SORBS2: variants seen among roughly 807,000 people sequenced by gnomAD.
SORBS2 encodes sorbin and SH3 domain-containing protein 2.
A neutral mutation model predicts 97.7 loss-of-function variants in SORBS2; 46 were observed. The ratio of observed to expected loss-of-function variants is 0.47; its 90% CI spans 0.37 to 0.60. SORBS2 has a LOEUF of 0.60. Ranked by LOEUF, SORBS2 falls within the 20% of genes least tolerant of loss-of-function variation. SORBS2 has a pLI of 0.00. For missense variants in SORBS2, 1,316 were observed against 1,282.3 expected, an observed-to-expected ratio of 1.03 and a Z score of -0.40; for synonymous variants, 476 against 473.4, an observed-to-expected ratio of 1.01 and a Z score of -0.07.
intron 1 of SORBS2, among the ~76,000 whole-genome samples, chr4:185,777,991 T>C (rs1185899876): frequency 6.6e-6 from 1 of 152,238 alleles, no homozygotes; most frequent in East Asian, 1.9e-4. Flanking sequence ...ATATCATTTT[T>C]ATATTGACCA....
intron 1 of SORBS2, among the ~76,000 whole-genome samples, chr4:185,875,881 C>T (rs1436386272): frequency 2.6e-5 from 4 of 152,124 alleles, no homozygotes; most frequent in Non-Finnish European, 4.4e-5. Context: ...AGACTTTTTC[C>T]CCCTCATTAC....
At chr4:185,598,021 A>G (rs1335990648) in intron 12 of SORBS2, among the ~76,000 whole-genome samples, 4 of 152,096 alleles carry the variant, frequency 2.6e-5, no homozygotes, top group African/African-American at 9.7e-5. Context: ...TTCTATTTTG[A>G]CTATCTGTGC....
At chr4:185,938,393 C>CACAT (rs1561319511) in intron 1 of SORBS2, among the ~76,000 whole-genome samples, 1 of 76,126 alleles carries the variant, frequency 1.3e-5, no homozygotes, top group Non-Finnish European at 3.1e-5. Context: ...GACACATACA[C>CACAT]ACACACACAC....
chr4:185,886,130 A>C (rs189492133), intron 1 of SORBS2, among the ~76,000 whole-genome samples: 1 of 152,360 alleles, frequency 6.6e-6, no homozygotes, highest in Non-Finnish European at 1.5e-5. Context: ...GGACTGACTG[A>C]GAAAGCATTT....
intron 1 of SORBS2, among the ~76,000 whole-genome samples, chr4:185,929,054 T>G (rs2099265159): frequency 6.6e-6 from 1 of 152,218 alleles, no homozygotes; most frequent in African/African-American, 2.4e-5. Context: ...TTATCACAAT[T>G]ATAGTGATAT....
intron 5 of SORBS2, among the ~76,000 whole-genome samples, chr4:185,629,560 A>ATT (rs201590422): frequency 0.079 from 10,556 of 133,946 alleles, 653 homozygotes; most frequent in Non-Finnish European, 0.12. Flanking sequence ...GAATTTTGTG[A>ATT]TTTGTTTTTT....
At chr4:185,699,555 G>C (rs1325061869) in intron 2 of SORBS2, among the ~76,000 whole-genome samples, 1 of 152,108 alleles carries the variant, frequency 6.6e-6, no homozygotes, top group Non-Finnish European at 1.5e-5. Flanking sequence ...CCAAAGTGCT[G>C]GGATTATGGG....
intron 2 of SORBS2, among the ~76,000 whole-genome samples, chr4:185,756,661 T>C (rs1351476834): frequency 6.6e-6 from 1 of 152,122 alleles, no homozygotes; most frequent in Non-Finnish European, 1.5e-5. Flanking sequence ...CCATTTTTTT[T>C]TGGCATTTGT....
intron 1 of SORBS2, among the ~76,000 whole-genome samples, chr4:185,897,146 A>T (rs2099245438): frequency 6.6e-6 from 1 of 152,228 alleles, no homozygotes; most frequent in Non-Finnish European, 1.5e-5. Flanking sequence ...GGACCGTCAC[A>T]GTAACCACAA....
intron 1 of SORBS2, among the ~76,000 whole-genome samples, chr4:185,940,061 T>C (rs1462513908): frequency 6.6e-6 from 1 of 152,200 alleles, no homozygotes; most frequent in African/African-American, 2.4e-5. Flanking sequence ...GCTGACCTCC[T>C]ACATCAGTGG....
chr4:185,723,924 T>C (rs182203323), intron 2 of SORBS2, among the ~76,000 whole-genome samples: 24 of 152,324 alleles, frequency 1.6e-4, no homozygotes, highest in African/African-American at 5.5e-4. Flanking sequence ...TTCAAACTTT[T>C]CTTGGTGTGC....
At chr4:185,738,936 A>C (rs868826670) in intron 2 of SORBS2, among the ~76,000 whole-genome samples, 1 of 152,210 alleles carries the variant, frequency 6.6e-6, no homozygotes, top group Non-Finnish European at 1.5e-5. Context: ...TACCAGTGCA[A>C]GGGGACCCTC....
chr4:185,768,698 C>CAAAAAAAAAA, intron 2 of SORBS2, among the ~76,000 whole-genome samples: 1 of 84,798 alleles, frequency 1.2e-5, no homozygotes, highest in Non-Finnish European at 2.4e-5. Context: ...GACTCTGTCT[C>CAAAAAAAAAA]AAAAAAAAAA....
rs759227064 is a variant in SORBS2 at position 185,623,890 on chromosome 4, G to A, written c.1239C>T (p.Arg413=). The change falls in exon 7 of 15, where the codon CGC becomes CGT. Residue 413 remains arginine (R), a synonymous_variant. Coordinates refer to ENST00000418609, the Ensembl canonical transcript of SORBS2. This position sits in a 1 kb window ranked among gnomAD's most constrained non-coding sequence, Gnocchi z 6.4. ...GGATCAGCTTTTCGAATTCGGAGATGCGTGTGGGCACCATGTCCCGGGGCA... is the reference window on the plus strand; with the variant it reads ...GGATCAGCTTTTCGAATTCGGAGATACGTGTGGGCACCATGTCCCGGGGCA... The A allele has an allele frequency of 3.7e-6, 6 of 1,614,206 alleles. No individual in the cohort carries two copies. The highest frequency in any genetic ancestry group is 5.1e-6 in the Non-Finnish European group (6 of 1,180,048).
At chr4:185,788,794 G>A (rs1309269957) in intron 1 of SORBS2, among the ~76,000 whole-genome samples, 3 of 152,186 alleles carry the variant, frequency 2.0e-5, no homozygotes, top group East Asian at 1.9e-4. Flanking sequence ...GTGGCCAAAC[G>A]TGGGTTCTAA....
chr4:185,789,933 T>G (rs1036901436), intron 1 of SORBS2, among the ~76,000 whole-genome samples: 1 of 152,186 alleles, frequency 6.6e-6, no homozygotes, highest in Non-Finnish European at 1.5e-5. Context: ...TAGAAACTCT[T>G]GTACTGTTTC....
At chr4:185,706,135 C>T (rs191364624) in intron 2 of SORBS2, among the ~76,000 whole-genome samples, 261 of 152,280 alleles carry the variant, frequency 1.7e-3, no homozygotes, top group African/African-American at 5.9e-3. Context: ...ATGCTTGCCA[C>T]GTTGATTTAA....
At chr4:185,801,552 C>T (rs1354044795) in intron 1 of SORBS2, among the ~76,000 whole-genome samples, 2 of 152,162 alleles carry the variant, frequency 1.3e-5, no homozygotes, top group Non-Finnish European at 2.9e-5. Context: ...TTTTGACTTG[C>T]CTTTCCATGA....
chr4:185,624,229 C>T (rs755828891), exon 7 of SORBS2: 12 of 1,614,050 alleles, frequency 7.4e-6, no homozygotes, highest in South Asian at 3.3e-5. Flanking sequence ...CTTTCGGGTC[C>T]GGGAAGCTAT....
Sources: gnomAD v4.1 joint callset for allele counts (sites outside exome capture counted in the v4.1 genomes callset) on GRCh38, gnomAD v4.1.1 for gene constraint, Gnocchi (gnomAD v3.1) non-coding constraint, MANE v1.5 for transcripts, NCBI Gene and HGNC (gene_info 2026-07-23, HGNC 2026-07-21) for gene names.